The following DNAH8 variants were observed in gnomAD, a reference collection of about 807,000 sequenced individuals.
DNAH8 encodes axonemal beta dynein heavy chain 8.
A neutral mutation model predicts 562.1 loss-of-function variants in DNAH8; 382 were observed. The ratio of observed to expected loss-of-function variants is 0.68; its 90% CI spans 0.63 to 0.74. DNAH8 has a LOEUF of 0.74. Among genes scored for constraint, DNAH8 ranks in the 30% least tolerant of loss-of-function variants. The pLI is 0.00. For synonymous variants in DNAH8, 1,881 were observed against 1,919.4 expected (o/e 0.98, Z 0.52); for missense variants, 5,203 against 5,620.4 (o/e 0.93, Z 2.37).
Position 38,741,704 on chromosome 6 carries a change from A to G in DNAH8, c.1117-7A>G. ...TTTCTATATTTTATAAATTTTTTTGACTGCAGGTACTTATTGAGAGTGAGC... is the reference window on the plus strand; with the variant it reads ...TTTCTATATTTTATAAATTTTTTTGGCTGCAGGTACTTATTGAGAGTGAGC... On this transcript the variant is annotated splice_region_variant and splice_polypyrimidine_tract_variant and intron_variant, in intron 7 of 92. Transcript: ENST00000327475. 6.4e-7 allele frequency: 1 copy of G among 1,569,102 alleles called. No homozygotes were observed. Among genetic ancestry groups the G allele is most frequent in the South Asian group, 1.2e-5 (1 of 83,036 alleles).
At chr6:38,748,672 T>G (rs1274731751) in intron 8 of DNAH8, among the ~76,000 whole-genome samples, 2 of 151,432 alleles carry the variant, frequency 1.3e-5, no homozygotes, top group Non-Finnish European at 2.9e-5. Context: ...GAGAATGGCG[T>G]GAACCCAGGA....
intron 88 of DNAH8, among the ~76,000 whole-genome samples, chr6:39,001,800 G>A (rs1737958091): frequency 6.6e-6 from 1 of 152,292 alleles, no homozygotes; most frequent in Admixed American, 6.5e-5. Context: ...TTGGAACAGT[G>A]GTTGGAGGCA....
At position 38,923,047 on chromosome 6, in the gene DNAH8, T is replaced by C; in HGVS notation, c.10663-11T>C. 1 of 1,609,720 alleles carries C rather than the reference T, an allele frequency of 6.2e-7. No individual in the cohort carries two copies. The highest frequency in any genetic ancestry group is 8.5e-7 in the Non-Finnish European group (1 of 1,178,466). ...AAAGTTTTTTGAGACATTCTCCCAT[T>C]ATGGCTGCAGGATTTGCTTAATGAC... On this transcript the variant is annotated splice_polypyrimidine_tract_variant and intron_variant, in intron 71 of 92. Transcript: ENST00000327475.
chr6:38,814,578 C>CAA lies in DNAH8; in HGVS notation c.3333+460_3333+461dup, dbSNP rs35179985. Among the ~76,000 whole-genome samples the CAA allele has an allele frequency of 7.2e-4, 105 of 145,354 alleles. No individual in the cohort carries two copies. In the East Asian group the frequency reaches 7.4e-3, roughly 10 times the overall value. Reference sequence around the variant, plus strand: ...CCTGGGCGACAGAGCAAGACTCTGTCAAAAAAAAAAAAGTTACTTCTGTAT... The same window carrying CAA: ...CCTGGGCGACAGAGCAAGACTCTGTCAAAAAAAAAAAAAAGTTACTTCTGTAT... On this transcript the variant is annotated intron_variant, in intron 25 of 92. Coordinates refer to ENST00000327475, the MANE Select transcript of DNAH8 (RefSeq NM_001206927.2).
intron 11 of DNAH8, among the ~76,000 whole-genome samples, chr6:38,765,640 T>A (rs958444413): frequency 2.0e-5 from 3 of 152,226 alleles, no homozygotes; most frequent in African/African-American, 7.2e-5. Flanking sequence ...TCCATTCTGT[T>A]TCATTGGTCT....
At chr6:38,811,923 G>T (rs1045006700) in intron 24 of DNAH8, among the ~76,000 whole-genome samples, 1 of 152,146 alleles carries the variant, frequency 6.6e-6, no homozygotes, top group African/African-American at 2.4e-5. Context: ...GGGTATGGCA[G>T]GTTTGGCTAG....
chr6:38,791,421 A>G, intron 20 of DNAH8, 134 bp from the exon 21 acceptor site: 6 of 1,134,196 alleles, frequency 5.3e-6, no homozygotes, highest in South Asian at 1.8e-5. Flanking sequence ...TGTTCACCAA[A>G]TTATGCTTGG....
intron 88 of DNAH8, among the ~76,000 whole-genome samples, chr6:38,994,834 G>A (rs1765033584): frequency 6.6e-6 from 1 of 151,786 alleles, no homozygotes; most frequent in Non-Finnish European, 1.5e-5. Context: ...AGTAGGGAAG[G>A]GGTTTCACCA....
In DNAH8 at chr6:38,874,066, CTTTTTCTT is replaced by C. The variant is rs1561797327; in HGVS notation, c.7620+692_7620+699del. Among the ~76,000 whole-genome samples, 2 of 19,028 alleles carry C rather than the reference CTTTTTCTT, an allele frequency of 1.1e-4. 1 individual carries two copies. The highest frequency in any genetic ancestry group is 3.2e-4 in the Non-Finnish European group (2 of 6,154). The allele number at this position is 19,028 out of a possible 152,430, so 12.5% of individuals were successfully genotyped here. A position where few individuals can be genotyped will look rare whatever the true frequency, so the allele number is the denominator to read the frequency against. ...TCTTTCTTTCTTTCTTTCTTTCTTT[CTTTTTCTT>C]TCTTTCTTTCTTTCTTTCTTTCTCT... On this transcript the variant is annotated intron_variant, in intron 52 of 92. Coordinates refer to ENST00000327475, the MANE Select transcript of DNAH8 (RefSeq NM_001206927.2).
chr6:38,829,843 A>T (rs917579629), intron 30 of DNAH8, among the ~76,000 whole-genome samples: 13 of 152,326 alleles, frequency 8.5e-5, no homozygotes, highest in Admixed American at 8.5e-4. Flanking sequence ...TTGCTGTGCA[A>T]CCAATCTCCA....
intron 91 of DNAH8, among the ~76,000 whole-genome samples, chr6:39,016,507 C>G (rs1173520887): frequency 4.7e-5 from 7 of 149,722 alleles, no homozygotes; most frequent in African/African-American, 1.7e-4. Context: ...GCCGAGATCG[C>G]GCCACTGCAT....
chr6:38,761,716 G>C lies in DNAH8; in HGVS notation c.1530G>C (p.Met510Ile). 2 of 1,525,244 alleles carry C rather than the reference G, an allele frequency of 1.3e-6. No individual in the cohort carries two copies. Among genetic ancestry groups the C allele is most frequent in the South Asian group, 2.5e-5 (2 of 79,304 alleles). The allele number at this position is 1,525,244 out of a possible 1,614,324, so 94.5% of individuals were successfully genotyped here. Residue 510 changes from methionine (M) to isoleucine (I), a missense_variant, in exon 11 of 93, where the codon ATG becomes ATC. Coordinates refer to ENST00000327475, the MANE Select transcript of DNAH8 (RefSeq NM_001206927.2). The part of the protein sequence containing the change: ...TSLFIKVTNQ[M>I]VTACKAYITD... ...ATTTATTTCAGGTAACAAATCAAAT[G>C]GTAACAGCATGTAAAGCATATATTA...
rs1475993880 is a variant in DNAH8 at position 38,805,532 on chromosome 6, A to G, written c.3086A>G (p.Asn1029Ser). 1.2e-6 allele frequency: 2 copies of G among 1,610,728 alleles called. No individual in the cohort carries two copies. Among genetic ancestry groups the G allele is most frequent in the Non-Finnish European group, 1.7e-6 (2 of 1,177,204 alleles). The change falls in exon 23 of 93, where the codon AAT becomes AGT. Residue 1029 changes from asparagine to serine, a missense_variant. By Grantham distance (46) the Asn-to-Ser change is conservative. Around this residue, in one of 6 missense-constraint regions of DNAH8, gnomAD observed 2,176 missense variants for 2,365.1 expected, o/e 0.92. Transcript: ENST00000327475. ...AGTGAAACAGGAGAGGGTGAAAACA[A>G]TGACTATGAAGCTAATATTGTGAAT... ...FGSETGEGEN[N>S]DYEANIVNEF...
At chr6:38,916,400 T>C (rs1781317266) in intron 68 of DNAH8, among the ~76,000 whole-genome samples, 1 of 152,194 alleles carries the variant, frequency 6.6e-6, no homozygotes, top group Admixed American at 6.6e-5. Context: ...CCTTCCTTTG[T>C]TTTCCTATCA....
rs555575670 is a variant in DNAH8 at position 38,914,541 on chromosome 6, G to A, written c.9963+589G>A. 1.3e-3 allele frequency among the ~76,000 whole-genome samples: 200 copies of A among 151,678 alleles called. 1 individual carries two copies. Among genetic ancestry groups the A allele is most frequent in the African/African-American group, 4.5e-3 (187 of 41,354 alleles). ...TAATTTTTGTATTTTTAGTAGAGAC[G>A]GGGTTTCACCATGTTGGCCAGGATG... is the stretch of plus-strand genomic sequence containing the variant. On this transcript the variant is annotated intron_variant, in intron 67 of 92. Coordinates refer to ENST00000327475, the MANE Select transcript of DNAH8 (RefSeq NM_001206927.2).
chr6:38,944,199 A>C (rs1737386732), intron 79 of DNAH8, among the ~76,000 whole-genome samples: 1 of 152,198 alleles, frequency 6.6e-6, no homozygotes, highest in Non-Finnish European at 1.5e-5. Context: ...CTACATTAGC[A>C]ATACTGTTGC....
chr6:38,726,443 A>G (rs1446231780), intron 3 of DNAH8, among the ~76,000 whole-genome samples: 1 of 152,192 alleles, frequency 6.6e-6, no homozygotes, highest in Non-Finnish European at 1.5e-5. Flanking sequence ...TGTGCCTACA[A>G]ACCCTTCTAT....
At chr6:38,853,413 A>G in intron 41 of DNAH8, 66 bp downstream of exon 41, 1 of 1,561,984 alleles carries the variant, frequency 6.4e-7, no homozygotes, top group Non-Finnish European at 8.8e-7. Context: ...GATGCTTAGC[A>G]GGTGGTTGAC....
At position 38,842,817 on chromosome 6, in the gene DNAH8, G is replaced by A. The variant is rs939877826; in HGVS notation, c.4759G>A (p.Gly1587Arg). Residue 1587 changes from glycine (G) to arginine (R), a missense_variant, in exon 35 of 93, where the codon GGA becomes AGA. Physicochemically the swap from Gly to Arg is moderately radical, Grantham distance 125. This residue lies in a region of DNAH8 where 2,176 missense variants were observed against 2,365.1 expected (regional missense o/e 0.92). Transcript: ENST00000327475. ...CTGGGATAGAATCTCCGAGTTAACT[G>A]GAACCCCATTTGATGTGGAATCTGA... ...RHWDRISELT[G>R]TPFDVESDSF... 8 of 1,613,882 alleles carry A rather than the reference G, an allele frequency of 5.0e-6. No homozygotes were observed. Among genetic ancestry groups the A allele is most frequent in the Non-Finnish European group, 5.9e-6 (7 of 1,179,882 alleles).
Sources: gnomAD v4.1 joint callset for allele counts (sites outside exome capture counted in the v4.1 genomes callset) on GRCh38, gnomAD v4.1.1 for gene constraint, gnomAD v4.1.1 regional missense constraint, MANE v1.5 for transcripts, NCBI Gene and HGNC (gene_info 2026-07-23, HGNC 2026-07-21) for gene names.